The following FRMPD3 variants were observed in gnomAD, a reference collection of about 807,000 sequenced individuals.
FRMPD3 encodes the protein FERM and PDZ domain containing 3, also known as FERM and PDZ domain-containing protein 3.
A neutral mutation model predicts 97.9 loss-of-function variants in FRMPD3; 42 were observed. That is an observed-to-expected ratio of 0.43 (90% CI 0.34 to 0.55). The LOEUF (loss-of-function observed/expected upper bound fraction) is 0.55, where lower values mean the gene tolerates loss of function less well. Ranked by LOEUF, FRMPD3 falls within the 20% of genes least tolerant of loss-of-function variation. FRMPD3 has a pLI of 0.03. For missense variants in FRMPD3, 1,303 were observed against 1,457.7 expected (o/e 0.89, Z 1.73); for synonymous variants, 577 against 581.1 (o/e 0.99, Z 0.10).
At chrX:107,566,445 C>T (rs1922607021) in intron 12 of FRMPD3, among the ~76,000 whole-genome samples, 2 of 112,541 alleles carry the variant, frequency 1.8e-5, no homozygotes, top group South Asian at 3.6e-4. Context: ...ACCTCCTCAA[C>T]CAATGGTTGC....
At chrX:107,559,762 A>T (rs960167896) in intron 8 of FRMPD3, among the ~76,000 whole-genome samples, 4 of 110,746 alleles carry the variant, frequency 3.6e-5, no homozygotes, top group Non-Finnish European at 7.6e-5. Flanking sequence ...TCAGACACCA[A>T]GAAGAAGAAT....
At chrX:107,507,345 G>A in intron 1 of FRMPD3, among the ~76,000 whole-genome samples, 1 of 110,783 alleles carries the variant, frequency 9.0e-6, no homozygotes, top group Middle Eastern at 4.6e-3. Flanking sequence ...AAGTGGCGGC[G>A]CGAGCGGGAA....
Position 107,560,413 on chromosome X carries a change from G to A in FRMPD3, c.899+20G>A, listed in dbSNP as rs746122730. On this transcript the variant is annotated intron_variant, in intron 9 of 14. Transcript: ENST00000683843. ...TGTGGAGTGAGTTGTGCTGCGGCCC[G>A]TTGGGATGGGGGGCGAATAGTTGCG... The A allele has an allele frequency of 2.6e-5, 31 of 1,204,182 alleles. No individual in the cohort carries two copies. The highest frequency in any genetic ancestry group is 1.9e-4 in the African/African-American group (11 of 56,541).
intron 8 of FRMPD3, among the ~76,000 whole-genome samples, chrX:107,556,277 G>T (rs1922075685): frequency 9.0e-6 from 1 of 110,541 alleles, no homozygotes; most frequent in Non-Finnish European, 1.9e-5. Flanking sequence ...AGTTGTGGTT[G>T]CTCTGTGAAT....
chrX:107,488,554 A>G (rs1160213336), intron 1 of FRMPD3, among the ~76,000 whole-genome samples: 5 of 112,292 alleles, frequency 4.5e-5, no homozygotes, highest in Non-Finnish European at 7.5e-5. Context: ...TTCATGGCCT[A>G]AAACAATATA....
intron 13 of FRMPD3, among the ~76,000 whole-genome samples, chrX:107,584,837 G>A (rs920746553): frequency 8.9e-6 from 1 of 111,948 alleles, no homozygotes; most frequent in African/African-American, 3.2e-5. Flanking sequence ...TGCTGTTTTG[G>A]TTACTGTAGC....
intron 1 of FRMPD3, among the ~76,000 whole-genome samples, chrX:107,487,478 T>C (rs1295804972): frequency 9.0e-6 from 1 of 111,185 alleles, no homozygotes; most frequent in Admixed American, 9.6e-5. Context: ...CTGGATATTC[T>C]CATGGTCTCC....
intron 1 of FRMPD3, among the ~76,000 whole-genome samples, chrX:107,475,564 G>A (rs1921177677): frequency 1.8e-5 from 2 of 112,467 alleles, no homozygotes; most frequent in Non-Finnish European, 3.8e-5. Flanking sequence ...CAGCTTTCCG[G>A]TGAATCAGGG....
At chrX:107,477,478 G>A (rs1452522928) in intron 1 of FRMPD3, among the ~76,000 whole-genome samples, 1 of 112,511 alleles carries the variant, frequency 8.9e-6, no homozygotes, top group Non-Finnish European at 1.9e-5. Context: ...AGCAAGTCTG[G>A]GTAATGATAA....
intron 12 of FRMPD3, among the ~76,000 whole-genome samples, chrX:107,571,485 G>A (rs1265361663): frequency 8.9e-6 from 1 of 112,271 alleles, no homozygotes; most frequent in African/African-American, 3.2e-5. Flanking sequence ...GGATGACAAG[G>A]AGAGGCTCCT....
chrX:107,503,160 G>T (rs1921954932), intron 1 of FRMPD3, among the ~76,000 whole-genome samples: 1 of 111,615 alleles, frequency 9.0e-6, no homozygotes, highest in Non-Finnish European at 1.9e-5. Flanking sequence ...ATAGCAAAGG[G>T]TGGGTCAGAC....
chrX:107,492,873 G>A (rs756541991), intron 1 of FRMPD3, among the ~76,000 whole-genome samples: 2 of 111,393 alleles, frequency 1.8e-5, no homozygotes, highest in Non-Finnish European at 3.8e-5. Flanking sequence ...TTCATTGTTT[G>A]GAGACTATAG....
At chrX:107,568,682 C>G (rs928795081) in intron 12 of FRMPD3, among the ~76,000 whole-genome samples, 1 of 107,744 alleles carries the variant, frequency 9.3e-6, no homozygotes, top group African/African-American at 3.4e-5. Context: ...TGCAGTGAGC[C>G]GAGATCATGC....
intron 4 of FRMPD3, among the ~76,000 whole-genome samples, chrX:107,536,342 C>T (rs898669481): frequency 5.4e-5 from 6 of 110,873 alleles, no homozygotes; most frequent in Non-Finnish European, 1.9e-5. Flanking sequence ...GGCAATAGAG[C>T]GAGGCCACTT....
intron 1 of FRMPD3, among the ~76,000 whole-genome samples, chrX:107,508,297 T>C (rs765613481): frequency 3.1e-4 from 35 of 112,254 alleles, no homozygotes; most frequent in African/African-American, 1.1e-3. Flanking sequence ...GAGTTTTGAA[T>C]CAATTTTCAA....
intron 12 of FRMPD3, among the ~76,000 whole-genome samples, chrX:107,570,837 G>T (rs895676222): frequency 4.5e-5 from 5 of 111,510 alleles, no homozygotes; most frequent in African/African-American, 1.6e-4. Context: ...AGTGCTAAGT[G>T]CCTGTTAGCT....
At chrX:107,577,583 A>T (rs764612083) in intron 13 of FRMPD3, among the ~76,000 whole-genome samples, 99 of 109,551 alleles carry the variant, frequency 9.0e-4, no homozygotes, top group African/African-American at 3.1e-3. Flanking sequence ...CTGGAGGCAG[A>T]GGTTGCAGTG....
intron 4 of FRMPD3, among the ~76,000 whole-genome samples, chrX:107,540,495 A>G (rs1921244288): frequency 8.9e-6 from 1 of 112,138 alleles, no homozygotes; most frequent in African/African-American, 3.2e-5. Context: ...AAAATGGTCA[A>G]AAAATAACCA....
intron 1 of FRMPD3, among the ~76,000 whole-genome samples, chrX:107,512,585 T>A (rs757339003): frequency 9.0e-6 from 1 of 111,004 alleles, no homozygotes; most frequent in South Asian, 3.9e-4. Flanking sequence ...TCAGCTGTCT[T>A]CCCCTCTTGA....
Sources: allele counts gnomAD v4.1 joint callset (sites outside exome capture counted in the v4.1 genomes callset), GRCh38; gene constraint gnomAD v4.1.1; transcripts MANE v1.5; gene names NCBI Gene and HGNC (gene_info 2026-07-23, HGNC 2026-07-21).